The following CHSY3 variants were observed in gnomAD, a reference collection of about 807,000 sequenced individuals.
The protein encoded by CHSY3 is chondroitin sulfate synthase 3.
A neutral mutation model predicts 67.2 loss-of-function variants in CHSY3; 35 were observed. The ratio of observed to expected loss-of-function variants is 0.52; its 90% CI spans 0.40 to 0.69. CHSY3 has a LOEUF of 0.69. Among genes scored for constraint, CHSY3 ranks in the 30% least tolerant of loss-of-function variants. The pLI is 0.00. For missense variants in CHSY3, 1,069 were observed against 1,138.5 expected, an observed-to-expected ratio of 0.94 and a Z score of 0.88; for synonymous variants, 474 against 434.7, an observed-to-expected ratio of 1.09 and a Z score of -1.12.
At position 129,907,962 on chromosome 5, in the gene CHSY3, G is replaced by A. The variant is rs1040265132; in HGVS notation, c.803-115G>A. 65 of 1,450,922 alleles carry A rather than the reference G, an allele frequency of 4.5e-5. No homozygotes were observed. In the African/African-American group the frequency reaches 7.4e-4, roughly 17 times the overall value. The allele number at this position is 1,450,922 out of a possible 1,614,324, so 89.9% of individuals were successfully genotyped here. ...TGGAAGAGGCTTTTTCTTCTTTTCA[G>A]TTGTGTAAGACTGAGGATTTTAAGC... On this transcript the variant is annotated intron_variant, in intron 1 of 2. Coordinates refer to ENST00000305031, the MANE Select transcript of CHSY3 (RefSeq NM_175856.5).
intron 2 of CHSY3, among the ~76,000 whole-genome samples, chr5:130,069,073 A>T (rs992510767): frequency 6.6e-6 from 1 of 152,082 alleles, no homozygotes; most frequent in African/African-American, 2.4e-5. Context: ...TTACCTGTAA[A>T]TCCCATTAGC....
At chr5:130,032,627 G>A (rs865953991) in intron 2 of CHSY3, among the ~76,000 whole-genome samples, 1 of 152,006 alleles carries the variant, frequency 6.6e-6, no homozygotes, top group African/African-American at 2.4e-5. Context: ...CTCACTTCAG[G>A]TTAAGAGAGA....
chr5:130,020,345 G>C (rs1764331202), intron 2 of CHSY3, among the ~76,000 whole-genome samples: 2 of 150,528 alleles, frequency 1.3e-5, no homozygotes, highest in African/African-American at 4.9e-5. Context: ...GCTGGAACCT[G>C]GGGGGCAGAG....
intron 2 of CHSY3, among the ~76,000 whole-genome samples, chr5:129,983,827 G>A (rs1763092679): frequency 6.6e-6 from 1 of 152,052 alleles, no homozygotes; most frequent in Non-Finnish European, 1.5e-5. Flanking sequence ...CCATTTTAAG[G>A]TAGAATGGTA....
chr5:130,139,412 C>T (rs369917024), intron 2 of CHSY3, among the ~76,000 whole-genome samples: 46 of 152,252 alleles, frequency 3.0e-4, no homozygotes, highest in African/African-American at 8.9e-4. Flanking sequence ...ACACTTTAGC[C>T]GGACATGAAG....
intron 2 of CHSY3, among the ~76,000 whole-genome samples, chr5:130,080,037 T>TACACAC (rs35994744): frequency 0.23 from 33,122 of 143,126 alleles, 4,007 homozygotes; most frequent in Middle Eastern, 0.36. Flanking sequence ...CACCTGAACA[T>TACACAC]ACACACACAC....
intron 2 of CHSY3, among the ~76,000 whole-genome samples, chr5:130,109,438 T>A (rs1580741138): frequency 6.6e-6 from 1 of 151,658 alleles, no homozygotes; most frequent in South Asian, 2.1e-4. Context: ...GGTTAGAAAG[T>A]TCTCAACTAA....
intron 2 of CHSY3, among the ~76,000 whole-genome samples, chr5:130,143,682 C>A (rs1384069660): frequency 2.2e-5 from 3 of 138,890 alleles, no homozygotes; most frequent in African/African-American, 5.4e-5. Flanking sequence ...TTTGACATAC[C>A]AAGGAGTAGA....
At chr5:130,106,250 C>T (rs190739002) in intron 2 of CHSY3, among the ~76,000 whole-genome samples, 16 of 151,682 alleles carry the variant, frequency 1.1e-4, no homozygotes, top group Admixed American at 4.6e-4. Context: ...GGTAAGTGGA[C>T]GTATGACAGT....
intron 2 of CHSY3, among the ~76,000 whole-genome samples, chr5:130,084,473 A>G (rs1336618538): frequency 1.3e-5 from 2 of 151,936 alleles, no homozygotes; most frequent in African/African-American, 4.8e-5. Context: ...TGTGTGACCA[A>G]TGACCTGTGA....
intron 2 of CHSY3, among the ~76,000 whole-genome samples, chr5:130,073,531 A>G (rs983360693): frequency 1.3e-5 from 2 of 151,996 alleles, no homozygotes; most frequent in African/African-American, 4.8e-5. Context: ...AGCTGGATCA[A>G]AAAGAGAAAG....
chr5:130,146,612 T>A (rs2149722261), intron 2 of CHSY3, among the ~76,000 whole-genome samples: 1 of 152,262 alleles, frequency 6.6e-6, no homozygotes, highest in South Asian at 2.1e-4. Context: ...GATAGGCTTT[T>A]TAAAATATTT....
chr5:130,185,320 T>C lies in CHSY3; in HGVS notation c.2178T>C (p.Asp726=). 1 of 1,611,692 alleles carries C rather than the reference T, an allele frequency of 6.2e-7. No homozygotes were observed. The highest frequency in any genetic ancestry group is 8.5e-7 in the Non-Finnish European group (1 of 1,177,838). ...FCDVDLIFRE[D]FLQRCRDNTI... is the part of the protein sequence containing the mutation. ...ATGTTGACTTGATCTTCAGAGAAGA[T>C]TTTCTCCAACGATGTAGAGACAATA... Residue 726 remains aspartate (D), a synonymous_variant, in exon 3 of 3, where the codon GAT becomes GAC. Coordinates refer to ENST00000305031, the MANE Select transcript of CHSY3 (RefSeq NM_175856.5).
At chr5:129,968,956 G>A (rs141396504) in intron 2 of CHSY3, among the ~76,000 whole-genome samples, 13 of 151,652 alleles carry the variant, frequency 8.6e-5, no homozygotes, top group African/African-American at 2.9e-4. Context: ...ATTCCTTGGG[G>A]GAATTCTTAA....
At chr5:130,086,966 C>T (rs1433467705) in intron 2 of CHSY3, among the ~76,000 whole-genome samples, 9 of 152,202 alleles carry the variant, frequency 5.9e-5, no homozygotes, top group Admixed American at 1.3e-4. Flanking sequence ...CAAAAATCCT[C>T]AATAAAATAC....
rs4264975 is a variant in CHSY3 at position 129,984,617 on chromosome 5, A to G, written c.1086+76257A>G. Among the ~76,000 whole-genome samples, 194 of 152,248 alleles carry G rather than the reference A, an allele frequency of 1.3e-3. No homozygotes were observed. In the East Asian group the frequency reaches 0.025, roughly 20 times the overall value. Reference sequence around the variant, plus strand: ...AATCTCTAAACTGCTTTCCAAAGTGACTGAGCTAATTTACATTACCCCAGA... The same window carrying G: ...AATCTCTAAACTGCTTTCCAAAGTGGCTGAGCTAATTTACATTACCCCAGA... On this transcript the variant is annotated intron_variant, in intron 2 of 2. Coordinates refer to ENST00000305031, the MANE Select transcript of CHSY3 (RefSeq NM_175856.5).
At chr5:130,140,015 C>CT (rs1356956860) in intron 2 of CHSY3, 2 of 156,592 alleles carry the variant, frequency 1.3e-5, no homozygotes, top group East Asian at 3.8e-4. Context: ...CATGCCATGA[C>CT]TATATGCAAG....
chr5:130,109,416 G>T (rs1767519487), intron 2 of CHSY3, among the ~76,000 whole-genome samples: 1 of 151,606 alleles, frequency 6.6e-6, no homozygotes, highest in African/African-American at 2.4e-5. Flanking sequence ...AGGCAAAATG[G>T]ATACCTTGGT....
At chr5:129,971,113 A>T (rs1301085964) in intron 2 of CHSY3, among the ~76,000 whole-genome samples, 1 of 151,854 alleles carries the variant, frequency 6.6e-6, no homozygotes, top group Non-Finnish European at 1.5e-5. Flanking sequence ...ACTGAACAGG[A>T]TGAGGAGGTT....
Sources: allele counts gnomAD v4.1 joint callset (sites outside exome capture counted in the v4.1 genomes callset), GRCh38; gene constraint gnomAD v4.1.1; transcripts MANE v1.5; gene names NCBI Gene and HGNC (gene_info 2026-07-23, HGNC 2026-07-21).